PDE1C: variants seen among roughly 807,000 people sequenced by gnomAD.
PDE1C encodes the protein phosphodiesterase 1C.
In PDE1C, 62 loss-of-function variants were observed where a neutral mutation model predicts 93.1. The observed-to-expected ratio is 0.67, with a 90% CI of 0.54 to 0.82. PDE1C has a LOEUF of 0.82. Ranked by LOEUF, PDE1C falls within the 40% of genes least tolerant of loss-of-function variation. PDE1C has a pLI of 0.00. For synonymous variants in PDE1C, 325 were observed against 310.1 expected, an observed-to-expected ratio of 1.05 and a Z score of -0.50; for missense variants, 742 against 884.6, an observed-to-expected ratio of 0.84 and a Z score of 2.04.
chr7:32,218,133 G>A (rs757374153), intron 1 of PDE1C, among the ~76,000 whole-genome samples: 2 of 152,126 alleles, frequency 1.3e-5, no homozygotes, highest in Non-Finnish European at 2.9e-5. Context: ...CAAGTCAGAA[G>A]CCTGCTCCTT....
At chr7:31,951,227 C>T (rs538342230) in intron 2 of PDE1C, among the ~76,000 whole-genome samples, 1 of 152,282 alleles carries the variant, frequency 6.6e-6, no homozygotes, top group East Asian at 1.9e-4. Flanking sequence ...GTTAGGGCTT[C>T]AACATGTAAA....
intron 17 of PDE1C, among the ~76,000 whole-genome samples, chr7:31,755,958 G>T (rs1794436281): frequency 6.6e-6 from 1 of 152,150 alleles, no homozygotes; most frequent in African/African-American, 2.4e-5. Flanking sequence ...TGGAGGCCAG[G>T]AGTTTGAGAC....
chr7:31,891,374 T>C (rs1798615107), intron 2 of PDE1C, among the ~76,000 whole-genome samples: 1 of 152,170 alleles, frequency 6.6e-6, no homozygotes. Context: ...TGCAATCCTA[T>C]CACCAATACT....
intron 2 of PDE1C, among the ~76,000 whole-genome samples, chr7:32,187,101 G>A (rs1803932468): frequency 6.6e-6 from 1 of 151,958 alleles, no homozygotes; most frequent in African/African-American, 2.4e-5. Flanking sequence ...TCCAGATTGG[G>A]AAACTATTAT....
chr7:32,408,483 A>G (rs1785102068), intron 1 of PDE1C, among the ~76,000 whole-genome samples: 3 of 152,172 alleles, frequency 2.0e-5, no homozygotes, highest in Non-Finnish European at 4.4e-5. Flanking sequence ...TAAACATTAA[A>G]CAAAATTAAA....
At chr7:32,177,635 T>C (rs1004641444) in intron 2 of PDE1C, among the ~76,000 whole-genome samples, 14 of 152,104 alleles carry the variant, frequency 9.2e-5, no homozygotes, top group African/African-American at 3.4e-4. Context: ...ATTATCCAAC[T>C]AGCCAATCCT....
chr7:32,426,445 T>C (rs1235853057), intron 1 of PDE1C, among the ~76,000 whole-genome samples: 1 of 152,062 alleles, frequency 6.6e-6, no homozygotes, highest in Non-Finnish European at 1.5e-5. Flanking sequence ...AGCCAGTGTT[T>C]TGAGTTTTTG....
intron 2 of PDE1C, among the ~76,000 whole-genome samples, chr7:31,889,371 G>T (rs776677314): frequency 1.3e-5 from 2 of 152,084 alleles, no homozygotes; most frequent in Admixed American, 1.3e-4. Context: ...AACATAAGTG[G>T]ACAAGAAAAC....
chr7:32,176,239 C>A (rs531640990), intron 2 of PDE1C, among the ~76,000 whole-genome samples: 1 of 151,862 alleles, frequency 6.6e-6, no homozygotes, highest in African/African-American at 2.4e-5. Flanking sequence ...TATCCCAAAG[C>A]GAAAGATCTC....
intron 1 of PDE1C, among the ~76,000 whole-genome samples, chr7:32,237,886 T>A (rs12701197): frequency 0.11 from 15,831 of 150,058 alleles, 885 homozygotes; most frequent in East Asian, 0.13. Context: ...TTCTCCTGCC[T>A]CAGCCTCCTG....
chr7:31,778,405 T>G (rs1783163998), intron 16 of PDE1C, among the ~76,000 whole-genome samples: 1 of 152,260 alleles, frequency 6.6e-6, no homozygotes, highest in East Asian at 1.9e-4. Context: ...TGGGATAGGG[T>G]TTCTCAGCAG....
intron 1 of PDE1C, among the ~76,000 whole-genome samples, chr7:32,319,240 T>C (rs1260057539): frequency 2.0e-5 from 3 of 152,220 alleles, no homozygotes; most frequent in African/African-American, 7.2e-5. Flanking sequence ...GACACTTCAC[T>C]AGCTCCTCTG....
At chr7:31,872,576 C>A (rs375013249) in intron 6 of PDE1C, among the ~76,000 whole-genome samples, 3 of 152,078 alleles carry the variant, frequency 2.0e-5, no homozygotes, top group East Asian at 1.9e-4. Flanking sequence ...AATAAAGAAC[C>A]ACATCTCCGG....
At chr7:31,793,422 C>T (rs1784804946) in intron 16 of PDE1C, among the ~76,000 whole-genome samples, 1 of 152,018 alleles carries the variant, frequency 6.6e-6, no homozygotes, top group Admixed American at 6.6e-5. Context: ...ATCACCTAAA[C>T]TCAAAGAAGT....
chr7:32,163,262 G>C (rs538344080), intron 3 of PDE1C, among the ~76,000 whole-genome samples: 20 of 152,226 alleles, frequency 1.3e-4, no homozygotes, highest in African/African-American at 4.6e-4. Context: ...AGCTCCAGGG[G>C]ACGCTACCCC....
In PDE1C at chr7:31,753,295, G is replaced by T. The variant is rs1794225573; in HGVS notation, c.*89C>A. The T allele has an allele frequency of 1.4e-6, 2 of 1,458,386 alleles. No individual in the cohort carries two copies. The highest frequency in any genetic ancestry group is 1.4e-5 in the African/African-American group (1 of 70,656). The allele number at this position is 1,458,386 out of a possible 1,614,324, so 90.3% of individuals were successfully genotyped here. On this transcript the variant is annotated 3_prime_UTR_variant, in exon 18 of 18. Coordinates refer to ENST00000396191, the MANE Select transcript of PDE1C (RefSeq NM_001191057.4). ...AGTACCTGCTCCAACAGCCTCCAAG[G>T]GTCTTGGAGGTGTGTCCTGCTGTGG...
At chr7:31,629,133 C>A in the PDE1C span, among the ~76,000 whole-genome samples, 2 of 152,262 alleles carry the variant, frequency 1.3e-5, no homozygotes, top group South Asian at 4.2e-4. Context: ...TATGAGTAAG[C>A]ACTGGATCTA....
chr7:31,819,381 A>T (rs1017452171), intron 14 of PDE1C, among the ~76,000 whole-genome samples: 2 of 152,174 alleles, frequency 1.3e-5, no homozygotes, highest in African/African-American at 2.4e-5. Flanking sequence ...GTATAGATGA[A>T]ATTTTCGTAT....
chr7:31,732,419 A>G, the PDE1C span, among the ~76,000 whole-genome samples: 1 of 152,096 alleles, frequency 6.6e-6, no homozygotes. Context: ...CTCTGAGTAA[A>G]GCACAATGTG....
Sources: allele counts gnomAD v4.1 joint callset (sites outside exome capture counted in the v4.1 genomes callset), GRCh38; gene constraint gnomAD v4.1.1; transcripts MANE v1.5; gene names NCBI Gene and HGNC (gene_info 2026-07-23, HGNC 2026-07-21).